The following LPIN1 variants were observed in gnomAD, a reference collection of about 807,000 sequenced individuals.
LPIN1 encodes the protein lipin 1.
In LPIN1, 71 loss-of-function variants were observed where a neutral mutation model predicts 107.5. That is an observed-to-expected ratio of 0.66 (90% CI 0.55 to 0.80). The LOEUF (loss-of-function observed/expected upper bound fraction) is 0.80. Among genes scored for constraint, LPIN1 ranks in the 30% least tolerant of loss-of-function variants. The probability of loss-of-function intolerance (pLI) is 0.00; values close to 1 mark genes in which losing one functional copy is unlikely to be tolerated. For synonymous variants in LPIN1, 445 were observed against 452.6 expected (o/e 0.98, Z 0.21); for missense variants, 1,043 against 1,160.6 (o/e 0.90, Z 1.47).
chr2:11,741,241 G>A, intron 1 of LPIN1: 1 of 713,402 alleles, frequency 1.4e-6, no homozygotes. Flanking sequence ...GTGTCCCTAA[G>A]TTGCTGGGTT....
At chr2:11,805,397 TAGG>T (rs1322820907) in intron 17 of LPIN1, 3 of 600,874 alleles carry the variant, frequency 5.0e-6, no homozygotes, top group Non-Finnish European at 9.0e-6. Context: ...AATTGATTAC[TAGG>T]AGAACACAGA....
At chr2:11,723,374 C>A (rs12465877), upstream of LPIN1, 26,014 of 152,128 alleles carry the variant, frequency 0.17, 2,824 homozygotes, top group Admixed American at 0.24. Flanking sequence ...ACTGGGAAGG[C>A]GGGCTGGGTG....
At position 11,767,862 on chromosome 2, in the gene LPIN1, A is replaced by G. The variant is rs371139696; in HGVS notation, c.288+4A>G. ...TCAAGAAACAGATAATGATCAGGTA[A>G]GGAAGCCTGGGTGGTCAGGGTTACT... On this transcript the variant is annotated splice_donor_region_variant and intron_variant, in intron 3 of 20. Transcript: ENST00000674199. The G allele has an allele frequency of 1.9e-6, 3 of 1,587,140 alleles. No individual in the cohort carries two copies. Among genetic ancestry groups the G allele is most frequent in the Middle Eastern group, 3.3e-4 (2 of 6,008 alleles).
chr2:11,740,106 A>T lies in LPIN1; in HGVS notation c.-71-1243A>T, dbSNP rs1440067706. On this transcript the variant is annotated intron_variant, in intron 1 of 21. Coordinates refer to the LPIN1 transcript ENST00000396097. ...GAGGGGCCATCGGTGCAGGTCCTGGAGTCCGACGGCTGGAGACCCTGGAGT... is the reference window on the plus strand; with the variant it reads ...GAGGGGCCATCGGTGCAGGTCCTGGTGTCCGACGGCTGGAGACCCTGGAGT... 2.0e-5 allele frequency among the ~76,000 whole-genome samples: 3 copies of T among 152,192 alleles called. No homozygotes were observed. In the East Asian group the frequency reaches 5.8e-4, roughly 29 times the overall value.
intron 1 of LPIN1, among the ~76,000 whole-genome samples, chr2:11,728,738 G>A (rs1664908547): frequency 6.6e-6 from 1 of 151,482 alleles, no homozygotes; most frequent in Non-Finnish European, 1.5e-5. Flanking sequence ...CCTTCACTTG[G>A]GTTAACTAAA....
upstream of LPIN1, among the ~76,000 whole-genome samples, chr2:11,721,194 A>G (rs902269654): frequency 2.0e-5 from 3 of 151,912 alleles, no homozygotes; most frequent in Non-Finnish European, 4.4e-5. Flanking sequence ...TGATATCAAT[A>G]TCCCTTGAGA....
At chr2:11,782,076 A>T (rs1235061102) in intron 7 of LPIN1, 125 bp from the exon 8 acceptor site, 2 of 757,136 alleles carry the variant, frequency 2.6e-6, no homozygotes, top group African/African-American at 3.5e-5. Context: ...TCACCAGGTG[A>T]TTGTTGAGGC....
At chr2:11,767,880 GGGTTACTTCCTAGTTTTGAGCTTTGAGTA>G (rs1354928078) in intron 3 of LPIN1, 22 bp downstream of exon 3, 7 of 1,470,172 alleles carry the variant, frequency 4.8e-6, no homozygotes, top group African/African-American at 1.4e-5. Flanking sequence ...TGGGTGGTCA[GGGTTACTTCCTAGTTTTGAGCTTTGAGTA>G]ATGGTTATCT....
chr2:11,755,233 C>T (rs532616114), intron 1 of LPIN1, among the ~76,000 whole-genome samples: 8 of 152,258 alleles, frequency 5.3e-5, no homozygotes, highest in Admixed American at 5.2e-4. Flanking sequence ...TCCCAAAGTG[C>T]TGGGATTACA....
intron 1 of LPIN1, among the ~76,000 whole-genome samples, chr2:11,712,947 C>G (rs1312281408): frequency 6.6e-6 from 1 of 152,192 alleles, no homozygotes; most frequent in African/African-American, 2.4e-5. Flanking sequence ...GGGCTTTGCC[C>G]TTTTGCCTAA....
intron 6 of LPIN1, among the ~76,000 whole-genome samples, chr2:11,777,828 G>C (rs917749610): frequency 6.6e-6 from 1 of 152,250 alleles, no homozygotes. Context: ...TATTTTGTCT[G>C]GTGAAACAGA....
chr2:11,713,880 T>C (rs991943864), intron 2 of LPIN1: 6 of 1,130,568 alleles, frequency 5.3e-6, no homozygotes, highest in Middle Eastern at 1.9e-4. Context: ...AAATACTCCA[T>C]GTCCAGCTGT....
At position 11,795,619 on chromosome 2, in the gene LPIN1, G is replaced by A. The variant is rs1277186073; in HGVS notation, c.1886+132G>A. 4.7e-6 allele frequency: 4 copies of A among 850,958 alleles called. No homozygotes were observed. The African/African-American group carries it at 6.7e-5, about 14-fold the overall frequency. The allele number at this position is 850,958 out of a possible 1,614,324, so 52.7% of individuals were successfully genotyped here. A position where few individuals can be genotyped will look rare whatever the true frequency, so the allele number is the denominator to read the frequency against. On this transcript the variant is annotated intron_variant, in intron 14 of 20. Transcript: ENST00000674199. ...GCTCTGTGATTCACTTGGTGACCTG[G>A]AGCAATTTATTTAACTTGGTTCTCC...
upstream of LPIN1, among the ~76,000 whole-genome samples, chr2:11,742,801 G>C (rs970009485): frequency 6.6e-6 from 1 of 152,250 alleles, no homozygotes; most frequent in Non-Finnish European, 1.5e-5. Flanking sequence ...GCTTCATCCA[G>C]TGGGAGACAG....
rs557256188 is a variant in LPIN1, at chr2:11,779,591, G to C, written c.903G>C (p.Gly301=). ...TCAGCAAGTCCACGGAAAGGACAGG[G>C]CAGAAGAACCCAGAAATGCTTTGGC... is the stretch of plus-strand genomic sequence containing the variant. ...ELVSKSTERT[G]QKNPEMLWLW... is the part of the protein sequence containing the mutation. The change falls in exon 7 of 21, where the codon GGG becomes GGC. Residue 301 remains glycine (G), a synonymous_variant. Transcript: ENST00000674199. 1 of 1,614,124 alleles carries C rather than the reference G, an allele frequency of 6.2e-7. No homozygotes were observed. Among genetic ancestry groups the C allele is most frequent in the Non-Finnish European group, 8.5e-7 (1 of 1,180,012 alleles).
intron 1 of LPIN1, among the ~76,000 whole-genome samples, chr2:11,726,764 T>C (rs2148541141): frequency 6.6e-6 from 1 of 152,360 alleles, no homozygotes; most frequent in Non-Finnish European, 1.5e-5. Flanking sequence ...CAAGATCTGA[T>C]CTACGATCCT....
intron 1 of LPIN1, among the ~76,000 whole-genome samples, chr2:11,679,803 G>T (rs1661614748): frequency 6.6e-6 from 1 of 152,366 alleles, no homozygotes; most frequent in South Asian, 2.1e-4. Context: ...GGTGATGGGG[G>T]CCGGGGGAGT....
chr2:11,797,786 A>T (rs1049889897), intron 14 of LPIN1, among the ~76,000 whole-genome samples: 1 of 152,306 alleles, frequency 6.6e-6, no homozygotes, highest in Admixed American at 6.5e-5. Context: ...TTTTGAGTTA[A>T]TGCTGAAATG....
intron 1 of LPIN1, among the ~76,000 whole-genome samples, chr2:11,739,763 G>A (rs924725245): frequency 6.6e-6 from 1 of 152,168 alleles, no homozygotes; most frequent in African/African-American, 2.4e-5. Flanking sequence ...ATATGACCTA[G>A]GATCTGGAGA....
Sources: allele counts gnomAD v4.1 joint callset (sites outside exome capture counted in the v4.1 genomes callset), GRCh38; gene constraint gnomAD v4.1.1; transcripts MANE v1.5; gene names NCBI Gene and HGNC (gene_info 2026-07-23, HGNC 2026-07-21).